Variants in TMEM178A observed in about 807,000 individuals in gnomAD.
The protein encoded by TMEM178A is transmembrane protein 178.
Under a neutral mutation model 29.1 loss-of-function variants are expected in TMEM178A, and 12 were observed. The ratio of observed to expected loss-of-function variants is 0.41; its 90% CI spans 0.26 to 0.67. The LOEUF is 0.67. Ranked by LOEUF, TMEM178A falls within the 30% of genes least tolerant of loss-of-function variation. TMEM178A has a pLI of 0.29. For missense variants in TMEM178A, 366 were observed against 419.1 expected (o/e 0.87, Z 1.11); for synonymous variants, 210 against 187.2 (o/e 1.12, Z -0.99).
chr2:39,701,630 C>CT (rs1003464228), intron 1 of TMEM178A, among the ~76,000 whole-genome samples: 23 of 152,100 alleles, frequency 1.5e-4, no homozygotes, highest in Admixed American at 8.5e-4. Flanking sequence ...TTCAAATACT[C>CT]TTTTTTGATC....
At chr2:39,729,579 T>G in the TMEM178A span, among the ~76,000 whole-genome samples, 1 of 152,208 alleles carries the variant, frequency 6.6e-6, no homozygotes, top group Admixed American at 6.5e-5. Context: ...ATGTAAAATA[T>G]GCAATTATAC....
intron 1 of TMEM178A, among the ~76,000 whole-genome samples, chr2:39,694,023 T>C (rs1671436749): frequency 6.6e-6 from 1 of 151,238 alleles, no homozygotes; most frequent in Non-Finnish European, 1.5e-5. Flanking sequence ...ATGGGTTGAA[T>C]CTGTCTGACT....
At chr2:39,697,335 A>G (rs1216252331) in intron 1 of TMEM178A, among the ~76,000 whole-genome samples, 2 of 152,194 alleles carry the variant, frequency 1.3e-5, no homozygotes, top group Non-Finnish European at 2.9e-5. Context: ...CTTCAAATCT[A>G]TCTGACTTTC....
At position 39,717,174 on chromosome 2, in the gene TMEM178A, G is replaced by A. The variant is rs968057432; in HGVS notation, c.817G>A (p.Gly273Ser). ...TTTAGGCTTTATTGTGGCAGCTGGA[G>A]GTCTCTGCATCGCTTATCCGTTTAT... ...CSLGFIVAAGGLCIAYPFISR... is the reference protein window; with the variant it reads ...CSLGFIVAAGSLCIAYPFISR... Residue 273 changes from glycine to serine, a missense_variant, in exon 4 of 4, where the codon GGT (glycine) becomes AGT (serine). By Grantham distance (56) the Gly-to-Ser change is moderately conservative. Transcript: ENST00000281961. 1.2e-6 allele frequency: 2 copies of A among 1,613,044 alleles called. No individual in the cohort carries two copies. The highest frequency in any genetic ancestry group is 1.3e-5 in the African/African-American group (1 of 74,494).
At chr2:39,670,764 A>G (rs1273426365) in intron 1 of TMEM178A, among the ~76,000 whole-genome samples, 1 of 152,244 alleles carries the variant, frequency 6.6e-6, no homozygotes. Context: ...AACTTTGGAG[A>G]AATCAATTTT....
intron 1 of TMEM178A, among the ~76,000 whole-genome samples, chr2:39,676,173 C>T (rs1243495737): frequency 6.6e-6 from 1 of 152,206 alleles, no homozygotes; most frequent in African/African-American, 2.4e-5. Context: ...GCTTGATAAA[C>T]ATTTATCCAC....
the TMEM178A span, among the ~76,000 whole-genome samples, chr2:39,735,033 A>C: frequency 6.6e-6 from 1 of 152,182 alleles, no homozygotes; most frequent in Admixed American, 6.5e-5. Context: ...CTCTTCCTAC[A>C]ATCAATTTGC....
At chr2:39,721,753 G>A (rs1396013667), downstream of TMEM178A, among the ~76,000 whole-genome samples, 1 of 152,092 alleles carries the variant, frequency 6.6e-6, no homozygotes, top group Non-Finnish European at 1.5e-5. Flanking sequence ...CGGTGTTTTG[G>A]AAGGCTGAGG....
intron 3 of TMEM178A, among the ~76,000 whole-genome samples, chr2:39,708,969 A>T (rs952487682): frequency 6.6e-6 from 1 of 152,202 alleles, no homozygotes; most frequent in African/African-American, 2.4e-5. Flanking sequence ...TCAGCAACAG[A>T]ACTAATATTC....
chr2:39,714,649 C>T (rs2716709), intron 3 of TMEM178A, among the ~76,000 whole-genome samples: 7,828 of 152,248 alleles, frequency 0.051, 690 homozygotes, highest in African/African-American at 0.18. Context: ...ATCCATGACA[C>T]TGAGAGCAGA....
intron 1 of TMEM178A, among the ~76,000 whole-genome samples, chr2:39,698,675 G>A (rs1036924981): frequency 6.7e-6 from 1 of 150,130 alleles, no homozygotes. Context: ...ATAGAAAGAA[G>A]TAGGAAGTTT....
the TMEM178A span, among the ~76,000 whole-genome samples, chr2:39,731,439 T>C: frequency 1.3e-5 from 2 of 152,196 alleles, no homozygotes; most frequent in Admixed American, 6.5e-5. Flanking sequence ...GCTCAAAATA[T>C]GGCAGAGAAG....
the TMEM178A span, among the ~76,000 whole-genome samples, chr2:39,731,167 T>C: frequency 6.6e-6 from 1 of 152,232 alleles, no homozygotes; most frequent in African/African-American, 2.4e-5. Context: ...GAAGGTGTTG[T>C]TGGCATAAAG....
intron 1 of TMEM178A, among the ~76,000 whole-genome samples, chr2:39,686,672 A>C: frequency 8.9e-6 from 1 of 112,304 alleles, no homozygotes; most frequent in African/African-American, 3.5e-5. Flanking sequence ...GTCTGGGGGC[A>C]GGATGGGGAG....
chr2:39,713,578 AG>A (rs1374911829), intron 3 of TMEM178A, among the ~76,000 whole-genome samples: 2 of 152,252 alleles, frequency 1.3e-5, no homozygotes, highest in Non-Finnish European at 2.9e-5. Context: ...GTGAAGACAC[AG>A]GGAGAAGATG....
chr2:39,692,173 G>T (rs1671342268), intron 1 of TMEM178A, among the ~76,000 whole-genome samples: 1 of 152,126 alleles, frequency 6.6e-6, no homozygotes, highest in Non-Finnish European at 1.5e-5. Context: ...AGGGGCAGGG[G>T]GAATGGGAAG....
intron 2 of TMEM178A, among the ~76,000 whole-genome samples, chr2:39,706,115 G>A (rs998673500): frequency 1.3e-5 from 2 of 152,238 alleles, no homozygotes; most frequent in Non-Finnish European, 2.9e-5. Flanking sequence ...TGGTTTAGCA[G>A]TTGGAGGCAA....
intron 1 of TMEM178A, among the ~76,000 whole-genome samples, chr2:39,673,132 C>T (rs913817216): frequency 1.3e-5 from 2 of 152,048 alleles, no homozygotes; most frequent in African/African-American, 2.4e-5. Context: ...CAGCAAACCA[C>T]GACCTCAGAT....
intron 1 of TMEM178A, among the ~76,000 whole-genome samples, chr2:39,673,407 C>G (rs1333758307): frequency 2.0e-5 from 3 of 152,240 alleles, no homozygotes; most frequent in Non-Finnish European, 4.4e-5. Context: ...ACTGAGGACA[C>G]ACTGAATTAT....
Sources: allele counts gnomAD v4.1 joint callset (sites outside exome capture counted in the v4.1 genomes callset), GRCh38; gene constraint gnomAD v4.1.1; transcripts MANE v1.5; gene names NCBI Gene and HGNC (gene_info 2026-07-23, HGNC 2026-07-21).